The following CPS1 variants were observed in gnomAD, a reference collection of about 807,000 sequenced individuals.
CPS1 encodes carbamoyl-phosphate synthase 1, also known as carbamoyl-phosphate synthase [ammonia], mitochondrial.
A neutral mutation model predicts 174.6 loss-of-function variants in CPS1; 109 were observed. The observed-to-expected ratio is 0.62, with a 90% confidence interval of 0.53 to 0.73. The LOEUF is 0.73. Among genes scored for constraint, CPS1 ranks in the 30% least tolerant of loss-of-function variants. CPS1 has a pLI of 0.00. For missense variants in CPS1, 1,689 were observed against 1,821.9 expected (o/e 0.93, Z 1.33); for synonymous variants, 637 against 632.0 (o/e 1.01, Z -0.12).
chr2:210,594,057 A>G (rs1001282577), intron 11 of CPS1, among the ~76,000 whole-genome samples: 16 of 151,976 alleles, frequency 1.1e-4, no homozygotes, highest in Non-Finnish European at 1.5e-4. Flanking sequence ...GTGAAACAAC[A>G]GAAGTAAATC....
intron 21 of CPS1, among the ~76,000 whole-genome samples, chr2:210,623,529 AG>A (rs1699605101): frequency 6.6e-6 from 1 of 152,106 alleles, no homozygotes; most frequent in Non-Finnish European, 1.5e-5. Context: ...GCACTTTTCA[AG>A]GGTCCAATTT....
chr2:210,677,147 T>C lies in CPS1; in HGVS notation c.4404+11T>C. The C allele has an allele frequency of 1.9e-6, 3 of 1,613,464 alleles. No individual in the cohort carries two copies. Among genetic ancestry groups the C allele is most frequent in the Non-Finnish European group, 2.5e-6 (3 of 1,179,402 alleles). The stretch of plus-strand genomic sequence containing the variant: ...CTCACTAATTTTCAGGTATAGTCTT[T>C]TCCTTGGATATAGACTGGATGGGAG... On this transcript the variant is annotated intron_variant, in intron 37 of 37. Transcript: ENST00000233072.
Position 210,577,504 on chromosome 2 carries a change from A to G in CPS1, c.465A>G (p.Glu155=). 6.2e-7 allele frequency: 1 copy of G among 1,611,428 alleles called. No homozygotes were observed. The highest frequency in any genetic ancestry group is 8.5e-7 in the Non-Finnish European group (1 of 1,177,604). The change falls in exon 4 of 38, where the codon GAA becomes GAG. Residue 155 remains glutamate, a synonymous_variant. Coordinates refer to ENST00000233072, the MANE Select transcript of CPS1 (RefSeq NM_001875.5). Reference sequence around the variant, plus strand: ...AGAGTTTAGGGCAATGGCTACAGGAAGAAAAGGTAAGAAATGTAATAGGGC... The same window carrying G: ...AGAGTTTAGGGCAATGGCTACAGGAGGAAAAGGTAAGAAATGTAATAGGGC... The part of the protein sequence containing the change: ...ATKSLGQWLQ[E]EKVPAIYGVD...
At chr2:210,630,464 A>G (rs1699833004) in intron 21 of CPS1, among the ~76,000 whole-genome samples, 1 of 152,178 alleles carries the variant, frequency 6.6e-6, no homozygotes, top group Non-Finnish European at 1.5e-5. Flanking sequence ...TTTGAAAACT[A>G]TTACTTGTAA....
At chr2:210,580,283 T>C (rs1292301334) in intron 5 of CPS1, among the ~76,000 whole-genome samples, 1 of 152,154 alleles carries the variant, frequency 6.6e-6, no homozygotes, top group Admixed American at 6.6e-5. Context: ...ATTACTTCAA[T>C]TATATAGTCT....
At chr2:210,515,990 T>C (rs1559057790) in intron 1 of CPS1, among the ~76,000 whole-genome samples, 1 of 151,900 alleles carries the variant, frequency 6.6e-6, no homozygotes, top group African/African-American at 2.4e-5. Context: ...CAGGGTGTTA[T>C]TAATTTCATG....
Position 210,588,130 on chromosome 2 carries a change from A to G in CPS1, c.694A>G (p.Ile232Val). The change falls in exon 7 of 38, where the codon ATC becomes GTC. Residue 232 changes from isoleucine (I) to valine (V), a missense_variant. Transcript: ENST00000233072. ...AVDCGIKNNV[I>V]RLLVKRGAEV... Reference sequence around the variant, plus strand: ...AGACTGTGGGATTAAAAACAATGTAATCCGCCTGCTAGTAAAGGTAAGTAA... The same window carrying G: ...AGACTGTGGGATTAAAAACAATGTAGTCCGCCTGCTAGTAAAGGTAAGTAA... The G allele has an allele frequency of 3.1e-6, 5 of 1,612,780 alleles. No individual in the cohort carries two copies. The highest frequency in any genetic ancestry group is 4.2e-6 in the Non-Finnish European group (5 of 1,179,104).
chr2:210,613,581 T>C (rs749549456), intron 20 of CPS1, among the ~76,000 whole-genome samples: 2 of 151,866 alleles, frequency 1.3e-5, no homozygotes, highest in African/African-American at 2.4e-5. Flanking sequence ...TGTGTATATA[T>C]ATATATAAAA....
rs1700976334 is a variant in CPS1 at position 210,663,103 on chromosome 2, G to T, written c.3928-20G>T. The T allele has an allele frequency of 3.1e-6, 4 of 1,282,342 alleles. No individual in the cohort carries two copies. Among genetic ancestry groups the T allele is most frequent in the Middle Eastern group, 3.9e-4 (2 of 5,168 alleles). 79.4% of individuals were successfully genotyped at this position (1,282,342 alleles called of 1,614,324 possible). A position where few individuals can be genotyped will look rare whatever the true frequency, so the allele number is the denominator to read the frequency against. ...TTTCCCTCACATAATTTTTCTCCCT[G>T]TTTTTTTTTTTTCCAACAGGCTCCC... On this transcript the variant is annotated intron_variant, in intron 32 of 37. Coordinates refer to ENST00000233072, the MANE Select transcript of CPS1 (RefSeq NM_001875.5).
intron 21 of CPS1, among the ~76,000 whole-genome samples, chr2:210,621,526 A>G (rs1486296239): frequency 6.6e-6 from 1 of 152,146 alleles, no homozygotes; most frequent in Admixed American, 6.6e-5. Context: ...ACGCTTTCAC[A>G]TATTGTGCTC....
chr2:210,477,806 G>A, intron 1 of CPS1: 2 of 1,611,226 alleles, frequency 1.2e-6, no homozygotes, highest in Non-Finnish European at 1.7e-6. Flanking sequence ...TTTAAAAGAT[G>A]GGTGTTTGAA....
intron 21 of CPS1, among the ~76,000 whole-genome samples, chr2:210,622,702 A>C (rs1376443397): frequency 1.3e-5 from 2 of 151,548 alleles, no homozygotes; most frequent in African/African-American, 4.8e-5. Flanking sequence ...TACACCCCCA[A>C]GCATTATTAT....
intron 1 of CPS1, among the ~76,000 whole-genome samples, chr2:210,542,368 A>G (rs550334864): frequency 2.0e-5 from 3 of 152,202 alleles, no homozygotes; most frequent in Non-Finnish European, 4.4e-5. Context: ...CTCTTCACAG[A>G]TATTAGTTTA....
intron 10 of CPS1, 102 bp downstream of exon 10, chr2:210,592,071 A>T: frequency 7.8e-7 from 1 of 1,287,144 alleles, no homozygotes; most frequent in Non-Finnish European, 1.1e-6. Flanking sequence ...GATACATGTG[A>T]TATTTTGATA....
At chr2:210,571,935 G>A (rs1697512569) in intron 1 of CPS1, among the ~76,000 whole-genome samples, 1 of 150,542 alleles carries the variant, frequency 6.6e-6, no homozygotes, top group Non-Finnish European at 1.5e-5. Context: ...TGGAGGTGGG[G>A]TGGCAAGATT....
At chr2:210,635,877 G>C (rs1485702496) in intron 21 of CPS1, among the ~76,000 whole-genome samples, 3 of 152,216 alleles carry the variant, frequency 2.0e-5, no homozygotes, top group Admixed American at 6.5e-5. Context: ...ACTAGGAAGA[G>C]CTGTAGCTGC....
intron 34 of CPS1, chr2:210,672,765 A>G (rs187503462): frequency 6.6e-6 from 1 of 152,206 alleles, no homozygotes; most frequent in Non-Finnish European, 1.5e-5. Flanking sequence ...TTCATGTTCT[A>G]TAAGGCAGTC....
At position 210,573,199 on chromosome 2, in the gene CPS1, T is replaced by C. The variant is rs2302912; in HGVS notation, c.127-99T>C. ...GGCATTATGGTTTCATTAAATATAC[T>C]GTGCCTTTATTTAATATGTCTGTGT... On this transcript the variant is annotated intron_variant, in intron 1 of 37. Transcript: ENST00000233072. 712 of 1,018,888 alleles carry C rather than the reference T, an allele frequency of 7.0e-4. 4 individuals are homozygous for C. In the East Asian group the frequency reaches 0.015, roughly 22 times the overall value. The allele number at this position is 1,018,888 out of a possible 1,614,324, so 63.1% of individuals were successfully genotyped here.
chr2:210,659,882 G>T (rs1700858914), intron 31 of CPS1, among the ~76,000 whole-genome samples: 1 of 152,160 alleles, frequency 6.6e-6, no homozygotes, highest in Admixed American at 6.5e-5. Context: ...GATCATAAAA[G>T]ACTTCAAGGT....
Sources: gnomAD v4.1 joint callset for allele counts (sites outside exome capture counted in the v4.1 genomes callset) on GRCh38, gnomAD v4.1.1 for gene constraint, MANE v1.5 for transcripts, NCBI Gene and HGNC (gene_info 2026-07-23, HGNC 2026-07-21) for gene names.